FKTN: variants seen among roughly 807,000 people sequenced by gnomAD.
The protein encoded by FKTN is ribitol-5-phosphate transferase FKTN.
Under a neutral mutation model 58.6 loss-of-function variants are expected in FKTN, and 47 were observed. That is an observed-to-expected ratio of 0.80 (90% CI 0.63 to 1.02). FKTN has a LOEUF of 1.02. Among genes scored for constraint, FKTN ranks in the 50% least tolerant of loss-of-function variants. FKTN has a pLI of 0.00. For missense variants in FKTN, 516 were observed against 537.3 expected, an observed-to-expected ratio of 0.96 and a Z score of 0.39; for synonymous variants, 178 against 191.9, an observed-to-expected ratio of 0.93 and a Z score of 0.60.
At chr9:105,577,497 C>G (rs1009968484) in intron 3 of FKTN, among the ~76,000 whole-genome samples, 4 of 145,788 alleles carry the variant, frequency 2.7e-5, no homozygotes, top group African/African-American at 1.1e-4. Context: ...GGCATTATTT[C>G]TGAGGGCTCT....
In FKTN at chr9:105,638,485, C is replaced by T; in HGVS notation, c.*3221C>T. 1.0e-6 allele frequency: 1 copy of T among 985,364 alleles called. No homozygotes were observed. The highest frequency in any genetic ancestry group is 1.7e-5 in the African/African-American group (1 of 57,354). 61.0% of individuals were successfully genotyped at this position (985,364 alleles called of 1,614,324 possible). ...CTAATTCTCTAAGCTCAAGATGCAT[C>T]CCATTGCCACTTTACCATTCTATTT... On this transcript the variant is annotated 3_prime_UTR_variant, in exon 11 of 11. Transcript: ENST00000357998.
rs759205715 is a variant in FKTN, at chr9:105,636,142, G to A, written c.*878G>A. The stretch of plus-strand genomic sequence containing the variant: ...TTAGGTAAAAATATGAGAAATTCAT[G>A]TACATTTTATATTTTCTGAATTTAT... On this transcript the variant is annotated 3_prime_UTR_variant, in exon 11 of 11. Coordinates refer to ENST00000357998, the MANE Select transcript of FKTN (RefSeq NM_001079802.2). 1.8e-4 allele frequency: 169 copies of A among 950,974 alleles called. No individual in the cohort carries two copies. The highest frequency in any genetic ancestry group is 7.3e-4 in the South Asian group (15 of 20,480). The allele number at this position is 950,974 out of a possible 1,614,324, so 58.9% of individuals were successfully genotyped here. A position where few individuals can be genotyped will look rare whatever the true frequency, so the allele number is the denominator to read the frequency against.
chr9:105,578,994 G>T (rs1465790295), intron 3 of FKTN, among the ~76,000 whole-genome samples: 1 of 151,648 alleles, frequency 6.6e-6, no homozygotes, highest in African/African-American at 2.4e-5. Context: ...TTGTATTTCA[G>T]TGGGATCGGT....
chr9:105,564,561 A>G (rs1839001136), intron 1 of FKTN, among the ~76,000 whole-genome samples: 1 of 152,256 alleles, frequency 6.6e-6, no homozygotes, highest in Non-Finnish European at 1.5e-5. Flanking sequence ...ATGGAAGATC[A>G]AATGAATGAA....
intron 7 of FKTN, 84 bp downstream of exon 7, chr9:105,608,035 G>A: frequency 1.8e-6 from 2 of 1,136,258 alleles, no homozygotes; most frequent in Non-Finnish European, 1.3e-6. Context: ...AGATGAAGGG[G>A]CTTATGGAAA....
At chr9:105,626,621 T>A (rs1832773882) in intron 10 of FKTN, among the ~76,000 whole-genome samples, 1 of 152,188 alleles carries the variant, frequency 6.6e-6, no homozygotes. Flanking sequence ...TGGGATTGCT[T>A]GGTCGTAGGG....
At chr9:105,571,878 T>A (rs1287209726) in intron 1 of FKTN, among the ~76,000 whole-genome samples, 1 of 152,170 alleles carries the variant, frequency 6.6e-6, no homozygotes, top group Non-Finnish European at 1.5e-5. Context: ...CGTGCTAATA[T>A]GATGCTGAAA....
chr9:105,595,044 C>G (rs888313328), intron 3 of FKTN, among the ~76,000 whole-genome samples: 3 of 152,072 alleles, frequency 2.0e-5, no homozygotes, highest in African/African-American at 4.8e-5. Flanking sequence ...CATGAATGAA[C>G]TTTGAAAACA....
At chr9:105,635,009 C>T (rs773925544) in intron 10 of FKTN, 42 bp from the exon 11 acceptor site, 31 of 1,548,966 alleles carry the variant, frequency 2.0e-5, no homozygotes, top group Non-Finnish European at 2.1e-5. Context: ...TTAGCTAGAC[C>T]TTCTTCCACT....
intron 10 of FKTN, among the ~76,000 whole-genome samples, chr9:105,633,765 A>G (rs754998605): frequency 2.0e-5 from 3 of 152,150 alleles, no homozygotes; most frequent in Non-Finnish European, 4.4e-5. Context: ...CTTTATGTTC[A>G]TTTGGTAGTA....
chr9:105,603,386 A>G (rs1428748511), intron 5 of FKTN, among the ~76,000 whole-genome samples: 1 of 152,236 alleles, frequency 6.6e-6, no homozygotes, highest in Non-Finnish European at 1.5e-5. Flanking sequence ...ATGTTGGAAA[A>G]TGAACCTTGT....
chr9:105,583,188 A>G (rs1212359502), intron 3 of FKTN, among the ~76,000 whole-genome samples: 1 of 152,228 alleles, frequency 6.6e-6, no homozygotes, highest in Non-Finnish European at 1.5e-5. Flanking sequence ...ATAGCAGCTA[A>G]CATTTTTTGA....
Position 105,596,793 on chromosome 9 carries a change from AAGGGACAGGCCCT to A in FKTN, c.165+137_165+149del. On this transcript the variant is annotated intron_variant, in intron 4 of 10. Transcript: ENST00000357998. ...GGGTGGCCGGTTGGTAGTGGCAGGT[AAGGGACAGGCCCT>A]TTACCAAGTGCTTTATGCAATGTCT... The A allele has an allele frequency of 1.4e-5, 10 of 727,006 alleles. No individual in the cohort carries two copies. In the Admixed American group the frequency reaches 2.0e-4, roughly 14 times the overall value. 45.0% of individuals were successfully genotyped at this position (727,006 alleles called of 1,614,324 possible).
intron 5 of FKTN, among the ~76,000 whole-genome samples, chr9:105,603,024 A>G (rs1051508827): frequency 6.6e-6 from 1 of 152,172 alleles, no homozygotes; most frequent in African/African-American, 2.4e-5. Flanking sequence ...CTGGGAGTGG[A>G]CTTTTCTAGC....
chr9:105,571,218 T>C (rs188553544), intron 1 of FKTN, among the ~76,000 whole-genome samples: 1 of 152,206 alleles, frequency 6.6e-6, no homozygotes, highest in East Asian at 1.9e-4. Flanking sequence ...TAGGTACAAT[T>C]AGAGTTTAGA....
chr9:105,610,242 A>G (rs1007133850), intron 7 of FKTN, among the ~76,000 whole-genome samples: 2 of 152,096 alleles, frequency 1.3e-5, no homozygotes, highest in African/African-American at 2.4e-5. Flanking sequence ...TTTAGAAGCC[A>G]AGACCTGGAT....
intron 1 of FKTN, among the ~76,000 whole-genome samples, chr9:105,566,657 C>T (rs1391879269): frequency 6.6e-6 from 1 of 152,102 alleles, no homozygotes; most frequent in Non-Finnish European, 1.5e-5. Flanking sequence ...TAATTAATAG[C>T]TTACCAACCA....
rs41277795 is a variant in FKTN at position 105,601,139 on chromosome 9, A to G, written c.166-6A>G. 15,769 of 1,545,974 alleles carry G rather than the reference A, an allele frequency of 0.01. 162 individuals are homozygous for G. Among genetic ancestry groups the G allele is most frequent in the South Asian group, 0.025 (2,185 of 89,072 alleles). ...GAATTACGAGAATTCTTTTTCTCTC[A>G]AACAGCGTGCAGTTAAAAAATTTAT... On this transcript the variant is annotated splice_polypyrimidine_tract_variant and splice_region_variant and intron_variant, in intron 4 of 10. Transcript: ENST00000357998.
At chr9:105,574,840 G>C (rs1334693786) in intron 2 of FKTN, 105 bp from the exon 3 acceptor site, 2 of 567,482 alleles carry the variant, frequency 3.5e-6, no homozygotes, top group African/African-American at 3.8e-5. Context: ...CCAGATCAAA[G>C]AATGCCTGTG....
Sources: gnomAD v4.1 joint callset for allele counts (sites outside exome capture counted in the v4.1 genomes callset) on GRCh38, gnomAD v4.1.1 for gene constraint, MANE v1.5 for transcripts, NCBI Gene and HGNC (gene_info 2026-07-23, HGNC 2026-07-21) for gene names.